Variants in RBFOX3 observed in about 807,000 individuals in gnomAD.
RBFOX3 encodes RNA binding fox-1 homolog 3.
In RBFOX3, 17 loss-of-function variants were observed where a neutral mutation model predicts 48.7. The ratio of observed to expected loss-of-function variants is 0.35; its 90% CI spans 0.24 to 0.52. The LOEUF is 0.52. RBFOX3 is among the 20% of genes least tolerant of loss of function. RBFOX3 has a pLI of 0.94. For synonymous variants in RBFOX3, 212 were observed against 209.5 expected, an observed-to-expected ratio of 1.01 and a Z score of -0.10; for missense variants, 382 against 497.5, an observed-to-expected ratio of 0.77 and a Z score of 2.21.
At chr17:79,142,442 A>C (rs897045970) in intron 4 of RBFOX3, among the ~76,000 whole-genome samples, 5 of 152,118 alleles carry the variant, frequency 3.3e-5, no homozygotes, top group African/African-American at 1.2e-4. Context: ...GCACTAATGG[A>C]ATTTCCATCC....
chr17:79,613,930 C>T (rs1036933574), upstream of RBFOX3, among the ~76,000 whole-genome samples: 349 of 152,210 alleles, frequency 2.3e-3, 2 homozygotes, highest in African/African-American at 8.1e-3. Flanking sequence ...GCCGAGATCG[C>T]GCCACTGTAC....
In RBFOX3 at chr17:79,220,854, C is replaced by T. The variant is rs140733641; in HGVS notation, c.-34+14912G>A. ...GCGGGGCGGCTCTCCAGGCCTGGAG[C>T]GTGGGCCAATCAGAGACGAGGCGCA... On this transcript the variant is annotated intron_variant, in intron 4 of 14. Coordinates refer to ENST00000693108, the MANE Select transcript of RBFOX3 (RefSeq NM_001350451.2). The surrounding 1 kb of genome is among the most constrained non-coding windows in gnomAD (Gnocchi z 5.9). Among the ~76,000 whole-genome samples, 375 of 151,996 alleles carry T rather than the reference C, an allele frequency of 2.5e-3. 4 individuals are homozygous for T. The highest frequency in any genetic ancestry group is 8.7e-3 in the African/African-American group (362 of 41,442).
At chr17:79,551,464 T>C (rs1355028243) in intron 1 of RBFOX3, among the ~76,000 whole-genome samples, 1 of 141,690 alleles carries the variant, frequency 7.1e-6, no homozygotes, top group Admixed American at 7.3e-5. Context: ...AATAGGTAGA[T>C]GGATGAAAAG....
intron 2 of RBFOX3, among the ~76,000 whole-genome samples, chr17:79,380,488 G>A (rs1371525701): frequency 6.6e-6 from 1 of 152,048 alleles, no homozygotes; most frequent in Non-Finnish European, 1.5e-5. Flanking sequence ...GCCTGGGAGA[G>A]GGCTGCACAA....
At position 79,397,974 on chromosome 17, in the gene RBFOX3, G is replaced by A. The variant is rs548536409; in HGVS notation, c.-175+84480C>T. On this transcript the variant is annotated intron_variant, in intron 2 of 14. Transcript: ENST00000693108. ...GGCGGCGGATTTTCAGAATATTCTC[G>A]TCTGCGGTCCTGCACACCCCCACCC... Among the ~76,000 whole-genome samples, 7 of 152,192 alleles carry A rather than the reference G, an allele frequency of 4.6e-5. No homozygotes were observed. In the South Asian group the frequency reaches 8.3e-4, roughly 18 times the overall value.
intron 4 of RBFOX3, among the ~76,000 whole-genome samples, chr17:79,144,719 T>C (rs2042668371): frequency 6.6e-6 from 1 of 152,222 alleles, no homozygotes. Flanking sequence ...TGAACCTCTC[T>C]GGGTTTCTGT....
chr17:79,634,028 C>A, the RBFOX3 span, among the ~76,000 whole-genome samples: 1 of 152,204 alleles, frequency 6.6e-6, no homozygotes, highest in Admixed American at 6.5e-5. Flanking sequence ...TGTTTGTCTT[C>A]GACGCCTTTG....
At chr17:79,661,285 T>A in the RBFOX3 span, among the ~76,000 whole-genome samples, 2 of 152,168 alleles carry the variant, frequency 1.3e-5, no homozygotes, top group African/African-American at 4.8e-5. Flanking sequence ...AAAATAAAAG[T>A]TGAAGATTTT....
At chr17:79,324,805 C>A (rs1045284286) in intron 2 of RBFOX3, among the ~76,000 whole-genome samples, 2 of 152,194 alleles carry the variant, frequency 1.3e-5, no homozygotes, top group Non-Finnish European at 2.9e-5. Flanking sequence ...CATTCATCAC[C>A]CTTGAAGCTC....
chr17:79,213,227 G>A (rs964340777), intron 4 of RBFOX3, among the ~76,000 whole-genome samples: 2 of 152,156 alleles, frequency 1.3e-5, no homozygotes, highest in Admixed American at 6.5e-5. Flanking sequence ...AGCAGATGAG[G>A]GTTGAGGGTC....
chr17:79,355,911 A>G (rs2147123521), intron 2 of RBFOX3, among the ~76,000 whole-genome samples: 1 of 152,284 alleles, frequency 6.6e-6, no homozygotes, highest in African/African-American at 2.4e-5. Flanking sequence ...TGTTTCTTGT[A>G]AGTGCAAGGA....
At chr17:79,620,193 GCACACACGTGC>G in the RBFOX3 span, among the ~76,000 whole-genome samples, 1 of 130,492 alleles carries the variant, frequency 7.7e-6, no homozygotes, top group African/African-American at 3.0e-5. Flanking sequence ...ATGTGCACAT[GCACACACGTGC>G]ACATGCACAC....
chr17:79,526,091 C>A (rs2086756297), intron 1 of RBFOX3, among the ~76,000 whole-genome samples: 1 of 152,238 alleles, frequency 6.6e-6, no homozygotes, highest in South Asian at 2.1e-4. Context: ...GAAAGGAAGT[C>A]CATGCAGCCA....
chr17:79,146,384 G>A (rs545770704), intron 4 of RBFOX3, among the ~76,000 whole-genome samples: 11 of 152,312 alleles, frequency 7.2e-5, no homozygotes, highest in Admixed American at 1.3e-4. Flanking sequence ...GCAGGCCCCC[G>A]TTTCACCACT....
At chr17:79,137,695 C>T (rs188410164) in intron 4 of RBFOX3, among the ~76,000 whole-genome samples, 9 of 152,218 alleles carry the variant, frequency 5.9e-5, no homozygotes, top group Admixed American at 5.9e-4. Context: ...CTTCTTTTCC[C>T]GTTAGGCGCC....
chr17:79,639,825 G>C, the RBFOX3 span, among the ~76,000 whole-genome samples: 1 of 152,054 alleles, frequency 6.6e-6, no homozygotes, highest in Non-Finnish European at 1.5e-5. Flanking sequence ...AATAGCTATA[G>C]AAGAAACTTA....
In RBFOX3 at chr17:79,103,108, G is replaced by C; in HGVS notation, c.507+54C>G. The C allele has an allele frequency of 7.4e-7, 1 of 1,343,394 alleles. No homozygotes were observed. The highest frequency in any genetic ancestry group is 1.0e-6 in the Non-Finnish European group (1 of 959,140). The allele number at this position is 1,343,394 out of a possible 1,614,324, so 83.2% of individuals were successfully genotyped here. On this transcript the variant is annotated intron_variant, in intron 8 of 14. Transcript: ENST00000693108. The surrounding 1 kb of genome is among the most constrained non-coding windows in gnomAD (Gnocchi z 6.1). ...AGGGCTGGTTGGTTGGGGGAGCTGG[G>C]GGGCAGGTGGGCGATCTTGGGGCAT...
chr17:79,135,931 CT>C (rs2040080493), intron 4 of RBFOX3: 2 of 152,312 alleles, frequency 1.3e-5, no homozygotes, highest in Admixed American at 1.3e-4. Context: ...GCCACTTATG[CT>C]GGGTGGGGTC....
intron 4 of RBFOX3, among the ~76,000 whole-genome samples, chr17:79,155,447 C>T (rs1053312469): frequency 7.2e-5 from 11 of 152,254 alleles, no homozygotes; most frequent in East Asian, 3.8e-4. Context: ...ACGGATACCT[C>T]GGAGCGGAGC....
Sources: allele counts gnomAD v4.1 joint callset (sites outside exome capture counted in the v4.1 genomes callset), GRCh38; gene constraint gnomAD v4.1.1; non-coding constraint Gnocchi (gnomAD v3.1); transcripts MANE v1.5; gene names NCBI Gene and HGNC (gene_info 2026-07-23, HGNC 2026-07-21).